MICA: variants seen among roughly 807,000 people sequenced by gnomAD.
MICA encodes HLA class I antigen.
In MICA, 18 loss-of-function variants were observed where a neutral mutation model predicts 34.3. That is an observed-to-expected ratio of 0.52 (90% CI 0.36 to 0.78). The LOEUF is 0.78. MICA is among the 30% of genes least tolerant of loss of function. The probability of loss-of-function intolerance (pLI) is 0.00; values close to 1 mark genes in which losing one functional copy is unlikely to be tolerated. For missense variants in MICA, 333 were observed against 409.4 expected (o/e 0.81, Z 1.61); for synonymous variants, 135 against 156.9 (o/e 0.86, Z 1.04).
At chr6:31,413,766 A>G (rs190170898) in intron 5 of MICA, among the ~76,000 whole-genome samples, 23 of 152,008 alleles carry the variant, frequency 1.5e-4, no homozygotes, top group Non-Finnish European at 2.2e-4. Context: ...CGTCTCCCGT[A>G]GAGGGATTGT....
At chr6:31,414,990 C>T in intron 5 of MICA, 22 bp from the exon 6 acceptor site, 1 of 1,478,470 alleles carries the variant, frequency 6.8e-7, no homozygotes, top group South Asian at 1.1e-5. Context: ...GGAGCATTTA[C>T]CCATTTCCCT....
At chr6:31,408,249 G>T (rs1187516861) in intron 1 of MICA, among the ~76,000 whole-genome samples, 1 of 151,840 alleles carries the variant, frequency 6.6e-6, no homozygotes, top group Non-Finnish European at 1.5e-5. Flanking sequence ...TGGTTTGCTA[G>T]TATTTCCTTG....
intron 1 of MICA, among the ~76,000 whole-genome samples, chr6:31,404,720 C>G (rs1770656674): frequency 6.6e-6 from 1 of 151,966 alleles, no homozygotes; most frequent in Non-Finnish European, 1.5e-5. Context: ...AACCCTGATG[C>G]TAATGGCAGT....
rs765590411 is a variant in MICA, at chr6:31,410,601, A to C, written c.129A>C (p.Ser43=). ...TGTCCTGGGATGGATCTGTGCAGTCAGGGTTTCTTGCTGAGGTACATCTGG... is the reference window on the plus strand; with the variant it reads ...TGTCCTGGGATGGATCTGTGCAGTCCGGGTTTCTTGCTGAGGTACATCTGG... ...TVLSWDGSVQ[S]GFLAEVHLDG... The change falls in exon 2 of 6, where the codon TCA becomes TCC. Residue 43 remains serine, a synonymous_variant. Coordinates refer to ENST00000449934, the MANE Select transcript of MICA (RefSeq NM_001177519.3). 1.2e-6 allele frequency: 2 copies of C among 1,613,488 alleles called. No homozygotes were observed. Among genetic ancestry groups the C allele is most frequent in the Admixed American group, 3.3e-5 (2 of 59,782 alleles).
intron 5 of MICA, among the ~76,000 whole-genome samples, 196 bp downstream of exon 5, chr6:31,412,656 G>A (rs1771265921): frequency 6.6e-6 from 1 of 151,870 alleles, no homozygotes; most frequent in Non-Finnish European, 1.5e-5. Context: ...AGGGTCAAAC[G>A]CCCAGCTGTG....
intron 5 of MICA, among the ~76,000 whole-genome samples, chr6:31,412,778 G>A (rs1279621022): frequency 6.6e-6 from 1 of 151,910 alleles, no homozygotes. Flanking sequence ...TCCAGGTGGG[G>A]TGAGCTGGGA....
intron 1 of MICA, among the ~76,000 whole-genome samples, chr6:31,406,121 C>T (rs1291126157): frequency 2.0e-5 from 3 of 151,876 alleles, no homozygotes. Flanking sequence ...GGAAGAACCT[C>T]CACATTGTTT....
At position 31,411,289 on chromosome 6, in the gene MICA, C is replaced by A. The variant is rs766116357; in HGVS notation, c.543C>A (p.His181Gln). ...EDAMKTKTHY[H>Q]AMHADCLQEL... ...CCATGAAGACCAAGACACACTATCACGCTATGCATGCAGACTGCCTGCAGG... is the reference window on the plus strand; with the variant it reads ...CCATGAAGACCAAGACACACTATCAAGCTATGCATGCAGACTGCCTGCAGG... Residue 181 changes from histidine (H) to glutamine (Q), a missense_variant, in exon 3 of 6, where the codon CAC becomes CAA. Coordinates refer to ENST00000449934, the MANE Select transcript of MICA (RefSeq NM_001177519.3). The surrounding 1 kb of genome is among the most constrained non-coding windows in gnomAD (Gnocchi z 4.3). 6.9e-5 allele frequency: 111 copies of A among 1,608,304 alleles called. 1 individual carries two copies. The highest frequency in any genetic ancestry group is 9.3e-5 in the Non-Finnish European group (110 of 1,177,982).
In MICA at chr6:31,415,156, G is replaced by T; in HGVS notation, c.*174G>T. ...GGCACCTAGACTCTACAGCCAGGCG[G>T]CTGGAATTGAATTCCCTGCCTGGAT... On this transcript the variant is annotated 3_prime_UTR_variant, in exon 6 of 6. Coordinates refer to ENST00000449934, the MANE Select transcript of MICA (RefSeq NM_001177519.3). 1.1e-6 allele frequency: 1 copy of T among 932,144 alleles called. No homozygotes were observed. Among genetic ancestry groups the T allele is most frequent in the Non-Finnish European group, 1.7e-6 (1 of 578,152 alleles). The allele number at this position is 932,144 out of a possible 1,614,324, so 57.7% of individuals were successfully genotyped here.
chr6:31,405,885 A>T (rs79658888), intron 1 of MICA, among the ~76,000 whole-genome samples: 3 of 151,924 alleles, frequency 2.0e-5, no homozygotes, highest in Non-Finnish European at 4.4e-5. Context: ...AAATGACACG[A>T]TGGCTGAATA....
At position 31,403,739 on chromosome 6, in the gene MICA, A is replaced by G. The variant is rs375616864; in HGVS notation, c.70+37A>G. 1.8e-3 allele frequency: 2,749 copies of G among 1,518,310 alleles called. 64 individuals carry two copies. In the East Asian group the frequency reaches 0.028, roughly 16 times the overall value. The allele number at this position is 1,518,310 out of a possible 1,614,324, so 94.1% of individuals were successfully genotyped here. On this transcript the variant is annotated intron_variant, in intron 1 of 5. Transcript: ENST00000449934. The surrounding 1 kb of genome is among the most constrained non-coding windows in gnomAD (Gnocchi z 4.7). ...TCCTGGCGGTCCTCGGCGGAGCGGG[A>G]GCAGTGGGACGTTTCCGGGGGTCGG...
At chr6:31,403,261 G>C (rs1327805592), upstream of MICA, among the ~76,000 whole-genome samples, 1 of 151,824 alleles carries the variant, frequency 6.6e-6, no homozygotes, top group Non-Finnish European at 1.5e-5. This position sits in a 1 kb window ranked among gnomAD's most constrained non-coding sequence, Gnocchi z 4.7. Context: ...TGAGGCCCGC[G>C]CTCCTCGGGG....
rs141211674 is a variant in MICA, at chr6:31,412,501, G to T, written c.*29+41G>T. 7,123 of 1,292,374 alleles carry T rather than the reference G, an allele frequency of 5.5e-3. 69 individuals carry two copies. The highest frequency in any genetic ancestry group is 0.015 in the African/African-American group (981 of 66,252). The allele number at this position is 1,292,374 out of a possible 1,614,324, so 80.1% of individuals were successfully genotyped here. A position where few individuals can be genotyped will look rare whatever the true frequency, so the allele number is the denominator to read the frequency against. Reference sequence around the variant, plus strand: ...AGTTTCTGGAGATGGTAAGGCCCCTGTCTGGGCAGTAGGGTCCCCTCATTG... The same window carrying T: ...AGTTTCTGGAGATGGTAAGGCCCCTTTCTGGGCAGTAGGGTCCCCTCATTG... On this transcript the variant is annotated intron_variant, in intron 5 of 5. Transcript: ENST00000449934.
intron 1 of MICA, among the ~76,000 whole-genome samples, chr6:31,407,245 T>C (rs1329410278): frequency 6.6e-6 from 1 of 151,938 alleles, no homozygotes; most frequent in Non-Finnish European, 1.5e-5. Context: ...TTTTTTGTTT[T>C]TGGTTTTTGA....
Position 31,415,014 on chromosome 6 carries a change from C to T in MICA, c.*32C>T, listed in dbSNP as rs184093207. ...ACCCATTTCCCTCTTTTCTCCAGAG[C>T]TCGTGAGCCTGCAGGTCCTGGATCA... On this transcript the variant is annotated splice_region_variant and 3_prime_UTR_variant, in exon 6 of 6. Coordinates refer to ENST00000449934, the MANE Select transcript of MICA (RefSeq NM_001177519.3). 3.7e-5 allele frequency: 55 copies of T among 1,482,642 alleles called. 1 individual carries two copies. In the African/African-American group the frequency reaches 7.5e-4, roughly 20 times the overall value. 91.8% of individuals were successfully genotyped at this position (1,482,642 alleles called of 1,614,324 possible).
chr6:31,411,084 T>G lies in MICA; in HGVS notation c.338T>G (p.Leu113Arg). Residue 113 changes from leucine (L) to arginine (R), a missense_variant, in exon 3 of 6, where the codon CTC becomes CGC. By Grantham distance (102) the Leu-to-Arg change is moderately radical (BLOSUM62 -2). Transcript: ENST00000449934. This position sits in a 1 kb window ranked among gnomAD's most constrained non-coding sequence, Gnocchi z 4.3. ...IKDQKEGLHS[L>R]QEIRVCEIHE... ...TGGGTGGGGGCAGGCTTGCATTCCC[T>G]CCAGGAGATTAGGGTCTGTGAGATC... 1 of 1,597,548 alleles carries G rather than the reference T, an allele frequency of 6.3e-7. No individual in the cohort carries two copies. The highest frequency in any genetic ancestry group is 8.5e-7 in the Non-Finnish European group (1 of 1,172,978).
chr6:31,410,979 G>A, intron 2 of MICA, 93 bp from the exon 3 acceptor site: 1 of 1,478,756 alleles, frequency 6.8e-7, no homozygotes, highest in South Asian at 1.4e-5. Context: ...CATGGAGGAG[G>A]GCCAGGGAGG....
chr6:31,403,636 G>A lies in MICA; in HGVS notation c.4G>A (p.Gly2Arg), dbSNP rs547896140. M[G>R]LGPVFLLLAG... ...AGAGGGTGGCGACGTCGGGGCCATGGGGCTGGGCCCGGTCTTTCTGCTTCT... is the reference window on the plus strand; with the variant it reads ...AGAGGGTGGCGACGTCGGGGCCATGAGGCTGGGCCCGGTCTTTCTGCTTCT... Residue 2 changes from glycine to arginine, a missense_variant, in exon 1 of 6, where the codon GGG becomes AGG. Transcript: ENST00000449934. The surrounding 1 kb of genome is among the most constrained non-coding windows in gnomAD (Gnocchi z 4.7). 9.9e-6 allele frequency: 15 copies of A among 1,520,892 alleles called. No homozygotes were observed. Among genetic ancestry groups the A allele is most frequent in the Middle Eastern group, 3.5e-4 (2 of 5,778 alleles). The allele number at this position is 1,520,892 out of a possible 1,614,324, so 94.2% of individuals were successfully genotyped here. A position where few individuals can be genotyped will look rare whatever the true frequency, so the allele number is the denominator to read the frequency against.
At position 31,411,363 on chromosome 6, in the gene MICA, C is replaced by G. The variant is rs1331836544; in HGVS notation, c.613+4C>G. Reference sequence around the variant, plus strand: ...GGCGTAGTCCTGAGGAGAACAGGTACCGACGCTGGCCAGGGGCTCTCCTCT... The same window carrying G: ...GGCGTAGTCCTGAGGAGAACAGGTAGCGACGCTGGCCAGGGGCTCTCCTCT... On this transcript the variant is annotated splice_donor_region_variant and intron_variant, in intron 3 of 5. Transcript: ENST00000449934. The surrounding 1 kb of genome is among the most constrained non-coding windows in gnomAD (Gnocchi z 4.3). 1.3e-6 allele frequency: 2 copies of G among 1,553,356 alleles called. No homozygotes were observed. Among genetic ancestry groups the G allele is most frequent in the African/African-American group, 1.4e-5 (1 of 72,986 alleles).
Sources: gnomAD v4.1 joint callset for allele counts (sites outside exome capture counted in the v4.1 genomes callset) on GRCh38, gnomAD v4.1.1 for gene constraint, Gnocchi (gnomAD v3.1) non-coding constraint, MANE v1.5 for transcripts, NCBI Gene and HGNC (gene_info 2026-07-23, HGNC 2026-07-21) for gene names.